MED12L: variants seen among roughly 807,000 people sequenced by gnomAD.
MED12L encodes the protein mediator of RNA polymerase II transcription subunit 12-like protein.
Under a neutral mutation model 281.3 loss-of-function variants are expected in MED12L, and 60 were observed. The ratio of observed to expected loss-of-function variants is 0.21; its 90% CI spans 0.17 to 0.26. The LOEUF (loss-of-function observed/expected upper bound fraction) is 0.26, where lower values mean the gene tolerates loss of function less well. MED12L is among the 10% of genes least tolerant of loss of function. The pLI is 1.00. For missense variants in MED12L, 2,146 were observed against 2,680.9 expected, an observed-to-expected ratio of 0.80 and a Z score of 4.41; for synonymous variants, 974 against 987.2, an observed-to-expected ratio of 0.99 and a Z score of 0.25.
intron 13 of MED12L, among the ~76,000 whole-genome samples, chr3:151,190,226 C>T (rs1335923817): frequency 6.6e-6 from 1 of 150,682 alleles, no homozygotes; most frequent in Non-Finnish European, 1.5e-5. Context: ...GGCTGGGGTA[C>T]AGTGGCACGA....
At chr3:151,376,348 T>TG in intron 28 of MED12L, 134 bp downstream of exon 28, 1 of 705,396 alleles carries the variant, frequency 1.4e-6, no homozygotes, top group Non-Finnish European at 2.1e-6. Flanking sequence ...ACATTTTCTG[T>TG]GGAATTGACA....
At chr3:151,218,609 C>T (rs982511917) in intron 16 of MED12L, among the ~76,000 whole-genome samples, 2 of 151,982 alleles carry the variant, frequency 1.3e-5, no homozygotes, top group Non-Finnish European at 2.9e-5. Flanking sequence ...TGGCTCAAGC[C>T]TGTAATCCCA....
intron 12 of MED12L, 182 bp from the exon 13 acceptor site, chr3:151,188,172 A>G (rs1452556324): frequency 2.3e-6 from 1 of 427,328 alleles, no homozygotes; most frequent in Admixed American, 3.7e-5. Context: ...GGGCCTGGTT[A>G]GTACTTGGAT....
intron 17 of MED12L, among the ~76,000 whole-genome samples, chr3:151,354,140 CAA>C (rs63033360): frequency 0.025 from 1,596 of 62,668 alleles, 1 homozygote; most frequent in South Asian, 0.049. Context: ...GACTCCGTCT[CAA>C]AAAAAAAAAA....
At chr3:151,348,357 A>C (rs940792115) in intron 16 of MED12L, among the ~76,000 whole-genome samples, 1 of 70,294 alleles carries the variant, frequency 1.4e-5, no homozygotes, top group East Asian at 4.1e-4. Flanking sequence ...AAAAAAAAAA[A>C]AAAAAAGAAA....
At chr3:151,329,689 T>C in intron 16 of MED12L, 1 of 489,652 alleles carries the variant, frequency 2.0e-6, no homozygotes, top group East Asian at 3.4e-5. Context: ...ACTTTCATAC[T>C]GTTAATCTGT....
intron 16 of MED12L, among the ~76,000 whole-genome samples, chr3:151,260,764 G>C (rs1738717312): frequency 6.6e-6 from 1 of 152,204 alleles, no homozygotes; most frequent in East Asian, 1.9e-4. Flanking sequence ...GTCTTTAAAA[G>C]GTAAATAACT....
intron 43 of MED12L, among the ~76,000 whole-genome samples, chr3:151,428,559 G>A (rs919998097): frequency 6.6e-6 from 1 of 152,184 alleles, no homozygotes; most frequent in African/African-American, 2.4e-5. Flanking sequence ...CTGTGTGCCT[G>A]GCAGTACCGG....
intron 16 of MED12L, among the ~76,000 whole-genome samples, chr3:151,217,509 A>G (rs1728475854): frequency 6.6e-6 from 1 of 152,194 alleles, no homozygotes; most frequent in Non-Finnish European, 1.5e-5. Context: ...GCCTCCTGAA[A>G]TGGAGTGAAT....
Position 151,085,865 on chromosome 3 carries a change from A to T in MED12L, c.-201A>T, listed in dbSNP as rs1005604234. On this transcript the variant is annotated 5_prime_UTR_variant, in exon 1 of 45. Transcript: ENST00000687756. ...AATCCAAGTCCCCCATCCCAACCCG[A>T]ATGATGGAGGCTGCGGCGGCCGGAG... 2 of 151,860 alleles carry T rather than the reference A, an allele frequency of 1.3e-5. No homozygotes were observed. The highest frequency in any genetic ancestry group is 2.4e-5 in the African/African-American group (1 of 41,380). The allele number at this position is 151,860 out of a possible 1,614,324, so 9.4% of individuals were successfully genotyped here. A position where few individuals can be genotyped will look rare whatever the true frequency, so the allele number is the denominator to read the frequency against.
intron 11 of MED12L, among the ~76,000 whole-genome samples, chr3:151,181,347 G>A (rs1197321457): frequency 3.3e-5 from 5 of 151,622 alleles, no homozygotes; most frequent in Non-Finnish European, 1.5e-5. Context: ...AATAAAAATT[G>A]GTAGTTGTAA....
chr3:151,127,067 A>G (rs1378202730), intron 4 of MED12L, among the ~76,000 whole-genome samples: 2 of 152,188 alleles, frequency 1.3e-5, no homozygotes, highest in East Asian at 3.8e-4. Flanking sequence ...TGAATAGATG[A>G]TATAGATGAA....
At chr3:151,407,680 T>C (rs1716484617) in intron 39 of MED12L, among the ~76,000 whole-genome samples, 1 of 152,214 alleles carries the variant, frequency 6.6e-6, no homozygotes, top group South Asian at 2.1e-4. Flanking sequence ...CAAATGGAGA[T>C]ACAATTGTTT....
intron 16 of MED12L, among the ~76,000 whole-genome samples, chr3:151,324,859 A>G (rs1229118858): frequency 1.3e-5 from 2 of 152,164 alleles, no homozygotes; most frequent in Non-Finnish European, 2.9e-5. Context: ...GGGTGCTTCA[A>G]ATGATTTGTA....
chr3:151,424,357 A>G (rs984214693), intron 43 of MED12L, among the ~76,000 whole-genome samples: 1 of 152,254 alleles, frequency 6.6e-6, no homozygotes, highest in Non-Finnish European at 1.5e-5. Flanking sequence ...GCAATGGCTC[A>G]CGCCTGTAAT....
intron 2 of MED12L, among the ~76,000 whole-genome samples, chr3:151,111,577 G>A (rs897600428): frequency 6.6e-6 from 1 of 152,160 alleles, no homozygotes; most frequent in African/African-American, 2.4e-5. Context: ...CCATCAGTCA[G>A]TCTTAGCTGG....
At chr3:151,363,643 AAG>A (rs1405359525) in intron 21 of MED12L, among the ~76,000 whole-genome samples, 16 of 152,210 alleles carry the variant, frequency 1.1e-4, no homozygotes, top group African/African-American at 3.6e-4. Flanking sequence ...TCTACACAGA[AAG>A]AGAGTGTAGA....
At chr3:151,330,414 C>T (rs1045776390) in intron 16 of MED12L, among the ~76,000 whole-genome samples, 1 of 152,130 alleles carries the variant, frequency 6.6e-6, no homozygotes, top group South Asian at 2.1e-4. Flanking sequence ...GGGCCAATAT[C>T]TGTGCATTTT....
intron 16 of MED12L, among the ~76,000 whole-genome samples, chr3:151,249,815 A>G (rs1044479303): frequency 2.0e-5 from 3 of 152,148 alleles, no homozygotes; most frequent in African/African-American, 7.2e-5. Flanking sequence ...TTCTGAAATT[A>G]TGCTCTGGAT....
Sources: allele counts gnomAD v4.1 joint callset (sites outside exome capture counted in the v4.1 genomes callset), GRCh38; gene constraint gnomAD v4.1.1; transcripts MANE v1.5; gene names NCBI Gene and HGNC (gene_info 2026-07-23, HGNC 2026-07-21).